Variants in ZNRF1 observed in about 807,000 individuals in gnomAD.
ZNRF1 encodes E3 ubiquitin-protein ligase ZNRF1.
In ZNRF1, 3 loss-of-function variants were observed where a neutral mutation model predicts 18.4. The observed-to-expected ratio is 0.16, with a 90% CI of 0.07 to 0.42. The LOEUF is 0.42. ZNRF1 is among the 10% of genes least tolerant of loss of function. The pLI, the probability that ZNRF1 is intolerant of heterozygous loss-of-function variation, is 0.99. For missense variants in ZNRF1, 310 were observed against 329.8 expected (o/e 0.94, Z 0.47); for synonymous variants, 157 against 144.2 (o/e 1.09, Z -0.64).
intron 1 of ZNRF1, among the ~76,000 whole-genome samples, chr16:75,047,195 T>C (rs890481343): frequency 6.6e-6 from 1 of 152,166 alleles, no homozygotes; most frequent in Non-Finnish European, 1.5e-5. Context: ...TTTTAAGAGA[T>C]GGGGTCCCAC....
At chr16:75,006,637 T>C (rs1258354824) in intron 1 of ZNRF1, among the ~76,000 whole-genome samples, 1 of 152,198 alleles carries the variant, frequency 6.6e-6, no homozygotes, top group Admixed American at 6.5e-5. Flanking sequence ...GGTTTCACCA[T>C]GTTGGCCAGG....
intron 1 of ZNRF1, among the ~76,000 whole-genome samples, chr16:75,086,301 A>G (rs2145415648): frequency 6.6e-6 from 1 of 152,274 alleles, no homozygotes; most frequent in East Asian, 1.9e-4. Flanking sequence ...GATACATTAA[A>G]CTTTGTCAGT....
chr16:75,000,192 C>A, intron 1 of ZNRF1, 97 bp downstream of exon 1: 1 of 1,476,546 alleles, frequency 6.8e-7, no homozygotes, highest in Non-Finnish European at 9.2e-7. Flanking sequence ...AGTGCACGAC[C>A]GGGATCTGTC....
At chr16:75,004,195 C>T (rs1258504722) in intron 1 of ZNRF1, among the ~76,000 whole-genome samples, 1 of 152,138 alleles carries the variant, frequency 6.6e-6, no homozygotes, top group African/African-American at 2.4e-5. Flanking sequence ...CAAATGGAAT[C>T]TGGTTCTGTG....
intron 1 of ZNRF1, among the ~76,000 whole-genome samples, chr16:75,023,770 C>T (rs529083962): frequency 6.6e-5 from 10 of 152,050 alleles, no homozygotes; most frequent in Non-Finnish European, 1.3e-4. Context: ...GCCACTGACC[C>T]CCAACCTTTT....
chr16:75,057,728 C>T (rs745910493), intron 1 of ZNRF1, among the ~76,000 whole-genome samples: 4 of 152,168 alleles, frequency 2.6e-5, no homozygotes, highest in Non-Finnish European at 5.9e-5. Context: ...TTCCGTCTCC[C>T]GGGTTCAAGT....
At chr16:75,092,976 G>A (rs2036157354) in intron 1 of ZNRF1, among the ~76,000 whole-genome samples, 1 of 152,184 alleles carries the variant, frequency 6.6e-6, no homozygotes, top group Non-Finnish European at 1.5e-5. Flanking sequence ...CTGAGAAAGG[G>A]TCTAAAGAAG....
chr16:75,089,398 C>T (rs1483923741), intron 1 of ZNRF1, among the ~76,000 whole-genome samples: 1 of 152,176 alleles, frequency 6.6e-6, no homozygotes, highest in Non-Finnish European at 1.5e-5. Flanking sequence ...TGTGAGCCAC[C>T]GTGCCCAGCC....
rs529107239 is a variant in ZNRF1, at chr16:75,005,384, C to G, written c.424+5289C>G. On this transcript the variant is annotated intron_variant, in intron 1 of 4. Coordinates refer to ENST00000335325, the MANE Select transcript of ZNRF1 (RefSeq NM_032268.5). ...CTTAAAGCGTTTGCTTTATGGGATACTACATTTTGATATTAAACAAAGACC... is the reference window on the plus strand; with the variant it reads ...CTTAAAGCGTTTGCTTTATGGGATAGTACATTTTGATATTAAACAAAGACC... Among the ~76,000 whole-genome samples, 19 of 152,226 alleles carry G rather than the reference C, an allele frequency of 1.2e-4. 2 individuals are homozygous for G. Among genetic ancestry groups the G allele is most frequent in the South Asian group, 1.0e-3 (5 of 4,824 alleles).
At chr16:75,082,096 G>A (rs1419142617) in intron 1 of ZNRF1, among the ~76,000 whole-genome samples, 5 of 152,054 alleles carry the variant, frequency 3.3e-5, no homozygotes, top group Non-Finnish European at 5.9e-5. Flanking sequence ...CCAGGCTGGC[G>A]GTCTTGAACT....
rs748174291 is a variant in ZNRF1, at chr16:75,000,070, A to G, written c.399A>G (p.Ala133=). The G allele has an allele frequency of 1.2e-6, 2 of 1,602,244 alleles. No individual in the cohort carries two copies. The highest frequency in any genetic ancestry group is 1.7e-6 in the Non-Finnish European group (2 of 1,175,658). Residue 133 remains alanine, a synonymous_variant, in exon 1 of 5, where the codon GCA becomes GCG. Coordinates refer to ENST00000335325, the MANE Select transcript of ZNRF1 (RefSeq NM_032268.5). ...CGGATGCTCTACCTCTGCACATCGC[A>G]CCCAGGTGGTTCAGCTCGCATAGTG... ...SLADALPLHI[A]PRWFSSHSGF...
chr16:75,005,737 A>T (rs777052147), intron 1 of ZNRF1, among the ~76,000 whole-genome samples: 6 of 152,222 alleles, frequency 3.9e-5, no homozygotes, highest in African/African-American at 1.4e-4. Flanking sequence ...GCAGTAACTA[A>T]TAATAGAACA....
At chr16:75,083,840 G>T (rs995609923) in intron 1 of ZNRF1, among the ~76,000 whole-genome samples, 31 of 152,140 alleles carry the variant, frequency 2.0e-4, no homozygotes, top group African/African-American at 6.8e-4. Flanking sequence ...AGAACCAAGA[G>T]ATTTGACATA....
intron 1 of ZNRF1, among the ~76,000 whole-genome samples, chr16:75,093,164 C>A (rs955868207): frequency 3.9e-5 from 6 of 152,172 alleles, no homozygotes; most frequent in Non-Finnish European, 8.8e-5. Context: ...GCGGGTGAAT[C>A]ACCTGATGTC....
chr16:75,091,577 G>C (rs1330753271), intron 1 of ZNRF1, among the ~76,000 whole-genome samples: 3 of 144,544 alleles, frequency 2.1e-5, no homozygotes, highest in African/African-American at 5.1e-5. Context: ...CTGTCCCCCA[G>C]GCTGGAGTGC....
chr16:75,087,125 G>T (rs1182646101), intron 1 of ZNRF1, among the ~76,000 whole-genome samples: 1 of 152,198 alleles, frequency 6.6e-6, no homozygotes, highest in Non-Finnish European at 1.5e-5. Flanking sequence ...GTAGTGGATT[G>T]GGAGAGTTCT....
At chr16:75,030,900 G>C (rs1414434886) in intron 1 of ZNRF1, among the ~76,000 whole-genome samples, 1 of 147,662 alleles carries the variant, frequency 6.8e-6, no homozygotes, top group East Asian at 2.0e-4. Context: ...GAGTGCGGTG[G>C]CGTGATTTCG....
At chr16:75,047,246 C>A (rs1179601873) in intron 1 of ZNRF1, among the ~76,000 whole-genome samples, 2 of 152,170 alleles carry the variant, frequency 1.3e-5, no homozygotes, top group African/African-American at 4.8e-5. Context: ...GATCACAGTT[C>A]ACTGTAATCT....
At chr16:75,008,948 TC>T (rs2034959296) in intron 1 of ZNRF1, among the ~76,000 whole-genome samples, 1 of 152,150 alleles carries the variant, frequency 6.6e-6, no homozygotes, top group East Asian at 1.9e-4. Flanking sequence ...ACCAAGAAAT[TC>T]CTCGTATGTC....
Sources: allele counts gnomAD v4.1 joint callset (sites outside exome capture counted in the v4.1 genomes callset), GRCh38; gene constraint gnomAD v4.1.1; transcripts MANE v1.5; gene names NCBI Gene and HGNC (gene_info 2026-07-23, HGNC 2026-07-21).